Variants in PXDNL observed in about 807,000 individuals in gnomAD.
PXDNL encodes the protein probable oxidoreductase PXDNL.
Under a neutral mutation model 150.8 loss-of-function variants are expected in PXDNL, and 145 were observed. That is an observed-to-expected ratio of 0.96 (90% CI 0.84 to 1.10). The LOEUF (loss-of-function observed/expected upper bound fraction) is 1.10. Ranked by LOEUF, PXDNL falls within the 50% of genes least tolerant of loss-of-function variation. PXDNL has a pLI of 0.00. For synonymous variants in PXDNL, 757 were observed against 725.7 expected (o/e 1.04, Z -0.69); for missense variants, 2,087 against 1,873.9 (o/e 1.11, Z -2.10).
intron 17 of PXDNL, among the ~76,000 whole-genome samples, chr8:51,398,614 G>C (rs1808159372): frequency 6.6e-6 from 1 of 152,192 alleles, no homozygotes; most frequent in South Asian, 2.1e-4. Flanking sequence ...AACAGCATTT[G>C]GAAGTTCAGC....
At chr8:51,525,309 T>C (rs548473582) in intron 4 of PXDNL, among the ~76,000 whole-genome samples, 3 of 152,298 alleles carry the variant, frequency 2.0e-5, no homozygotes, top group Admixed American at 2.0e-4. Context: ...ATTATAGCTG[T>C]TCAACAAAGC....
chr8:51,650,395 A>T (rs1440964999), intron 2 of PXDNL, among the ~76,000 whole-genome samples: 1 of 152,224 alleles, frequency 6.6e-6, no homozygotes, highest in Non-Finnish European at 1.5e-5. Context: ...ATGATCGAGT[A>T]TAAAAGTTTG....
intron 14 of PXDNL, among the ~76,000 whole-genome samples, chr8:51,414,506 G>A (rs1254259168): frequency 6.6e-6 from 1 of 151,540 alleles, no homozygotes; most frequent in African/African-American, 2.4e-5. Flanking sequence ...TTCTGAGTAA[G>A]TAGGGTGGCT....
At chr8:51,442,691 T>C (rs1809578377) in intron 12 of PXDNL, among the ~76,000 whole-genome samples, 1 of 152,026 alleles carries the variant, frequency 6.6e-6, no homozygotes, top group Admixed American at 6.6e-5. Flanking sequence ...CTACTACTCT[T>C]TTGTTCTTAA....
rs1806009664 is a variant in PXDNL at position 51,342,286 on chromosome 8, G to A, written c.4017-2533C>T. 2.0e-5 allele frequency among the ~76,000 whole-genome samples: 3 copies of A among 152,020 alleles called. No individual in the cohort carries two copies. In the South Asian group the frequency reaches 6.2e-4, roughly 32 times the overall value. On this transcript the variant is annotated intron_variant, in intron 20 of 22. Coordinates refer to ENST00000356297, the MANE Select transcript of PXDNL (RefSeq NM_144651.5). ...ATCATCAGTACTCAATTAAAAAATA[G>A]GGGAGGGATGACCTATATTCATCAG...
At chr8:51,780,530 G>T (rs2037401199) in intron 1 of PXDNL, among the ~76,000 whole-genome samples, 1 of 77,082 alleles carries the variant, frequency 1.3e-5, no homozygotes, top group Admixed American at 1.5e-4. Flanking sequence ...AGTCAGTTTG[G>T]GCTGCTGTAA....
chr8:51,406,636 C>G (rs886207764), intron 17 of PXDNL, among the ~76,000 whole-genome samples: 1 of 152,204 alleles, frequency 6.6e-6, no homozygotes, highest in African/African-American at 2.4e-5. Flanking sequence ...ATCATCTAGC[C>G]TCTTACACTT....
rs368183663 is a variant in PXDNL, at chr8:51,696,501, G to A, written c.165-41741C>T. 9.9e-5 allele frequency among the ~76,000 whole-genome samples: 15 copies of A among 152,268 alleles called. No homozygotes were observed. The East Asian group carries it at 2.9e-3, about 29-fold the overall frequency. Reference sequence around the variant, plus strand: ...TGTGGTCTTTGTTATGGCAGCCCTCGCTGACTAAAACACTGATTCAACTGG... The same window carrying A: ...TGTGGTCTTTGTTATGGCAGCCCTCACTGACTAAAACACTGATTCAACTGG... On this transcript the variant is annotated intron_variant, in intron 1 of 22. Coordinates refer to ENST00000356297, the MANE Select transcript of PXDNL (RefSeq NM_144651.5).
In PXDNL at chr8:51,656,872, T is replaced by C. The variant is rs1382282280; in HGVS notation, c.165-2112A>G. 2.0e-5 allele frequency among the ~76,000 whole-genome samples: 3 copies of C among 152,310 alleles called. No individual in the cohort carries two copies. The East Asian group carries it at 5.8e-4, about 29-fold the overall frequency. On this transcript the variant is annotated intron_variant, in intron 1 of 22. Transcript: ENST00000356297. ...GCACCATCTTAATTTTAGCTTTGCCTCCCACTCCAGATGTAACCACTCATG... is the reference window on the plus strand; with the variant it reads ...GCACCATCTTAATTTTAGCTTTGCCCCCCACTCCAGATGTAACCACTCATG...
At chr8:51,322,792 T>C (rs1407839460) in intron 21 of PXDNL, among the ~76,000 whole-genome samples, 1 of 152,228 alleles carries the variant, frequency 6.6e-6, no homozygotes, top group African/African-American at 2.4e-5. Context: ...TGCTTTTGTA[T>C]TGAAGTAGGA....
chr8:51,808,501 C>G lies in PXDNL; in HGVS notation c.164+680G>C, dbSNP rs540673164. Among the ~76,000 whole-genome samples the G allele has an allele frequency of 2.6e-5, 4 of 152,226 alleles. No homozygotes were observed. The South Asian group carries it at 6.2e-4, about 24-fold the overall frequency. On this transcript the variant is annotated intron_variant, in intron 1 of 22. Coordinates refer to ENST00000356297, the MANE Select transcript of PXDNL (RefSeq NM_144651.5). ...AAATCTAAATGTTTGGGTTTATTAT[C>G]TGAATATTAAAGATGAGAAGATAGG...
intron 3 of PXDNL, 141 bp downstream of exon 3, chr8:51,592,486 T>C (rs1043268014): frequency 1.7e-6 from 1 of 585,690 alleles, no homozygotes; most frequent in Non-Finnish European, 3.0e-6. Context: ...TAAGACATGT[T>C]CATATGTGAG....
intron 8 of PXDNL, among the ~76,000 whole-genome samples, chr8:51,470,032 G>GT (rs1810288816): frequency 6.6e-6 from 1 of 151,998 alleles, no homozygotes; most frequent in South Asian, 2.1e-4. Flanking sequence ...AACAGGCAAT[G>GT]TGATTTTTTC....
intron 19 of PXDNL, among the ~76,000 whole-genome samples, chr8:51,363,619 G>T (rs1039558320): frequency 1.3e-5 from 2 of 152,146 alleles, no homozygotes; most frequent in African/African-American, 4.8e-5. Context: ...TAACCGATTA[G>T]GTCAGGGGTC....
At chr8:51,607,635 G>A (rs1437125123) in intron 2 of PXDNL, among the ~76,000 whole-genome samples, 2 of 149,744 alleles carry the variant, frequency 1.3e-5, no homozygotes, top group Non-Finnish European at 2.9e-5. Context: ...GAGGTCAGGA[G>A]TTCGAGACAA....
chr8:51,447,100 G>A lies in PXDNL; in HGVS notation c.1429C>T (p.Arg477Cys), dbSNP rs1280981666. 22 of 1,613,734 alleles carry A rather than the reference G, an allele frequency of 1.4e-5. No individual in the cohort carries two copies. The highest frequency in any genetic ancestry group is 1.7e-5 in the Admixed American group (1 of 59,992). The change falls in exon 12 of 23, where the codon CGT (arginine) becomes TGT (cysteine). Residue 477 changes from arginine to cysteine, a missense_variant. By Grantham distance (180) the Arg-to-Cys change is radical (BLOSUM62 -3). Transcript: ENST00000356297. ...VLSSGTLRID[R>C]AAQHDQGQYE... is the part of the protein sequence containing the mutation. ...TGGCCTTGATCGTGCTGTGCTGCACGGTCAATTCTCAAAGTGCCAGAGGAG... is the reference window on the plus strand; with the variant it reads ...TGGCCTTGATCGTGCTGTGCTGCACAGTCAATTCTCAAAGTGCCAGAGGAG...
intron 1 of PXDNL, among the ~76,000 whole-genome samples, chr8:51,703,063 CTT>C (rs1816291048): frequency 6.6e-6 from 1 of 152,128 alleles, no homozygotes. Flanking sequence ...TATCTGAACT[CTT>C]TATTAATCAG....
At chr8:51,697,311 T>A (rs1367190189) in intron 1 of PXDNL, among the ~76,000 whole-genome samples, 1 of 61,542 alleles carries the variant, frequency 1.6e-5, no homozygotes, top group Non-Finnish European at 3.2e-5. Flanking sequence ...TTTTGCGGGG[T>A]GGGGGTGGGT....
chr8:51,786,796 G>A (rs1284285691), intron 1 of PXDNL, among the ~76,000 whole-genome samples: 4 of 152,158 alleles, frequency 2.6e-5, no homozygotes, highest in African/African-American at 9.7e-5. Context: ...CAATGTAAAG[G>A]AAACAGCCTG....
Sources: gnomAD v4.1 joint callset for allele counts (sites outside exome capture counted in the v4.1 genomes callset) on GRCh38, gnomAD v4.1.1 for gene constraint, MANE v1.5 for transcripts, NCBI Gene and HGNC (gene_info 2026-07-23, HGNC 2026-07-21) for gene names.